C2CD3: variants seen among roughly 807,000 people sequenced by gnomAD.
C2CD3 encodes the protein C2 domain-containing protein 3.
In C2CD3, 148 loss-of-function variants were observed where a neutral mutation model predicts 234.0. That is an observed-to-expected ratio of 0.63 (90% CI 0.55 to 0.72). The LOEUF is 0.72. C2CD3 is among the 30% of genes least tolerant of loss of function. The probability of loss-of-function intolerance (pLI) is 0.00; values close to 1 mark genes in which losing one functional copy is unlikely to be tolerated. For synonymous variants in C2CD3, 1,000 were observed against 1,035.4 expected (o/e 0.97, Z 0.66); for missense variants, 2,577 against 2,811.5 (o/e 0.92, Z 1.89).
At position 74,033,787 on chromosome 11, in the gene C2CD3, C is replaced by T. The variant is rs1370318483; in HGVS notation, c.6373G>A (p.Val2125Ile). The T allele has an allele frequency of 5.9e-6, 9 of 1,536,320 alleles. No individual in the cohort carries two copies. Among genetic ancestry groups the T allele is most frequent in the East Asian group, 2.4e-5 (1 of 40,910 alleles). ...PGPFCREELMVKSSFLSSPER... is the reference protein window; with the variant it reads ...PGPFCREELMIKSSFLSSPER... ...GGGCTGGAGAGAAAGCTACTTTTGA[C>T]CATAAGCTCCTCTCTGCAGAAAGGC... The change falls in exon 31 of 33, where the codon GTC (valine) becomes ATC (isoleucine). Residue 2125 changes from valine to isoleucine, a missense_variant. Physicochemically the swap from Val to Ile is conservative, Grantham distance 29 (BLOSUM62 3). Coordinates refer to ENST00000334126, the MANE Select transcript of C2CD3 (RefSeq NM_001286577.2).
At position 74,114,533 on chromosome 11, in the gene C2CD3, T is replaced by C. The variant is rs775000678; in HGVS notation, c.1581A>G (p.Leu527=). The C allele has an allele frequency of 1.9e-6, 3 of 1,613,918 alleles. No homozygotes were observed. The highest frequency in any genetic ancestry group is 2.5e-6 in the Non-Finnish European group (3 of 1,179,890). The change falls in exon 10 of 33, where the codon CTA becomes CTG. Residue 527 remains leucine (L), a synonymous_variant. Transcript: ENST00000334126. ...ETPEDAQTMT[L]SVDRLALLGR... is the part of the protein sequence containing the mutation. ...CCAAAAGGGCCAGTCTATCCACACT[T>C]AGTGTCATCGTTTGGGCATCTTCTG... is the stretch of plus-strand genomic sequence containing the variant.
At position 74,170,707 on chromosome 11, in the gene C2CD3, G is replaced by A. The variant is rs772942571; in HGVS notation, c.55+31C>T. 6.8e-6 allele frequency: 11 copies of A among 1,613,548 alleles called. No individual in the cohort carries two copies. The East Asian group carries it at 2.2e-4, about 33-fold the overall frequency. ...TCCTTACACCCTGCTCTCCTATTAC[G>A]CTTTCCTCAATCTTTGATCGCTCAG... On this transcript the variant is annotated intron_variant, in intron 1 of 32. Coordinates refer to ENST00000334126, the MANE Select transcript of C2CD3 (RefSeq NM_001286577.2).
At chr11:74,021,733 A>G (rs1952092752) in intron 32 of C2CD3, among the ~76,000 whole-genome samples, 1 of 152,184 alleles carries the variant, frequency 6.6e-6, no homozygotes, top group Non-Finnish European at 1.5e-5. Flanking sequence ...GCCAGTGGTA[A>G]AGTGAGGTAA....
chr11:74,164,120 A>G, intron 2 of C2CD3: 1 of 899,158 alleles, frequency 1.1e-6, no homozygotes, highest in Non-Finnish European at 1.3e-6. Flanking sequence ...CACTTCTAGG[A>G]CAAAAAGCTT....
chr11:74,169,194 A>C lies in C2CD3; in HGVS notation c.56-581T>G, dbSNP rs78106229. On this transcript the variant is annotated intron_variant, in intron 1 of 32. Transcript: ENST00000334126. Reference sequence around the variant, plus strand: ...CTTTTCTTTCCTGCCAAGATCACACAGTCAGTGAGGACACAGACTATCTAA... The same window carrying C: ...CTTTTCTTTCCTGCCAAGATCACACCGTCAGTGAGGACACAGACTATCTAA... Among the ~76,000 whole-genome samples, 654 of 152,372 alleles carry C rather than the reference A, an allele frequency of 4.3e-3. 4 individuals carry two copies. The highest frequency in any genetic ancestry group is 0.015 in the African/African-American group (629 of 41,588).
At chr11:74,039,204 GTGTAGAACCA>G (rs1386630412) in intron 29 of C2CD3, among the ~76,000 whole-genome samples, 3 of 152,230 alleles carry the variant, frequency 2.0e-5, no homozygotes, top group African/African-American at 4.8e-5. Context: ...TGTTAGACCA[GTGTAGAACCA>G]TGTAGAACCA....
intron 32 of C2CD3, among the ~76,000 whole-genome samples, chr11:74,018,238 C>T (rs1419437435): frequency 1.3e-5 from 2 of 152,162 alleles, no homozygotes; most frequent in African/African-American, 4.8e-5. Flanking sequence ...AGAGCCAATA[C>T]CAGCTGCAGA....
intron 23 of C2CD3, among the ~76,000 whole-genome samples, chr11:74,077,586 A>G (rs1955092182): frequency 6.6e-6 from 1 of 151,276 alleles, no homozygotes; most frequent in Admixed American, 6.6e-5. Context: ...CAATGAGAAC[A>G]CATGGACACA....
intron 28 of C2CD3, among the ~76,000 whole-genome samples, chr11:74,047,222 G>T (rs957603666): frequency 6.6e-6 from 1 of 152,190 alleles, no homozygotes; most frequent in African/African-American, 2.4e-5. Flanking sequence ...TTATAGCCTA[G>T]CCTTAAATGG....
At chr11:74,164,334 GGCT>G in intron 2 of C2CD3, 1 of 653,420 alleles carries the variant, frequency 1.5e-6, no homozygotes, top group Non-Finnish European at 1.9e-6. Flanking sequence ...ACATTTTCAT[GGCT>G]GCTATTTTCT....
intron 21 of C2CD3, 135 bp from the exon 22 acceptor site, chr11:74,085,105 C>T: frequency 1.8e-6 from 1 of 542,832 alleles, no homozygotes; most frequent in Non-Finnish European, 3.3e-6. Context: ...GATTATCTTG[C>T]TCTTGCTCAT....
chr11:74,116,897 T>C (rs1346974752), intron 9 of C2CD3, among the ~76,000 whole-genome samples: 2 of 119,502 alleles, frequency 1.7e-5, no homozygotes, highest in African/African-American at 6.1e-5. Context: ...CGTGTATATA[T>C]ACACACGTGT....
chr11:74,154,671 T>A (rs1444521277), intron 3 of C2CD3, among the ~76,000 whole-genome samples: 1 of 152,186 alleles, frequency 6.6e-6, no homozygotes, highest in Admixed American at 6.6e-5. Context: ...ATTACTCAAC[T>A]CTGCTGTTTG....
chr11:74,062,655 G>A (rs1028496730), intron 24 of C2CD3, among the ~76,000 whole-genome samples: 264 of 152,056 alleles, frequency 1.7e-3, no homozygotes, highest in Non-Finnish European at 2.5e-3. Flanking sequence ...AGCACTAAAT[G>A]CCCACAAGAG....
At chr11:74,024,109 G>A (rs1952196371) in intron 32 of C2CD3, among the ~76,000 whole-genome samples, 1 of 152,072 alleles carries the variant, frequency 6.6e-6, no homozygotes, top group Admixed American at 6.6e-5. Flanking sequence ...TATGAACACT[G>A]TAATCAAACT....
rs1233305148 is a variant in C2CD3, at chr11:74,122,974, G to A, written c.1365+14C>T. On this transcript the variant is annotated intron_variant, in intron 8 of 32. Transcript: ENST00000334126. Reference sequence around the variant, plus strand: ...TGTTCTCTAATTCTCAATGCTTCAGGTTCAGTGACTTACAGGTGCTGTATA... The same window carrying A: ...TGTTCTCTAATTCTCAATGCTTCAGATTCAGTGACTTACAGGTGCTGTATA... 2 of 1,606,678 alleles carry A rather than the reference G, an allele frequency of 1.2e-6. No homozygotes were observed. The highest frequency in any genetic ancestry group is 1.3e-5 in the African/African-American group (1 of 74,724).
In C2CD3 at chr11:74,132,834, T is replaced by C. The variant is rs1957718755; in HGVS notation, c.1217+10A>G. 1 of 1,610,774 alleles carries C rather than the reference T, an allele frequency of 6.2e-7. No homozygotes were observed. The highest frequency in any genetic ancestry group is 8.5e-7 in the Non-Finnish European group (1 of 1,178,738). ...GTTTAAAAGGAAGAAAGCCAGTTAATAGTGCTTACCTGCCTAATAGCAGCT... is the reference window on the plus strand; with the variant it reads ...GTTTAAAAGGAAGAAAGCCAGTTAACAGTGCTTACCTGCCTAATAGCAGCT... On this transcript the variant is annotated intron_variant, in intron 7 of 32. Coordinates refer to ENST00000334126, the MANE Select transcript of C2CD3 (RefSeq NM_001286577.2).
At chr11:74,091,054 C>G in intron 19 of C2CD3, 118 bp from the exon 20 acceptor site, 1 of 949,156 alleles carries the variant, frequency 1.1e-6, no homozygotes, top group East Asian at 2.6e-5. Context: ...ACAATAAGGG[C>G]AATGAGAGAA....
At chr11:74,137,749 T>G (rs1957916244) in intron 5 of C2CD3, among the ~76,000 whole-genome samples, 1 of 151,816 alleles carries the variant, frequency 6.6e-6, no homozygotes, top group African/African-American at 2.4e-5. Flanking sequence ...AACACCCAGC[T>G]AATTTTTTGT....
Sources: gnomAD v4.1 joint callset for allele counts (sites outside exome capture counted in the v4.1 genomes callset) on GRCh38, gnomAD v4.1.1 for gene constraint, MANE v1.5 for transcripts, NCBI Gene and HGNC (gene_info 2026-07-23, HGNC 2026-07-21) for gene names.